Variants in RAPGEF5 observed in about 807,000 individuals in gnomAD.
RAPGEF5 encodes M-Ras-regulated GEF.
RAPGEF5 carries 65 observed loss-of-function variants against 125.2 expected under a neutral mutation model. The ratio of observed to expected loss-of-function variants is 0.52; its 90% CI spans 0.43 to 0.64. The LOEUF (loss-of-function observed/expected upper bound fraction) is 0.64, where lower values mean the gene tolerates loss of function less well. Among genes scored for constraint, RAPGEF5 ranks in the 30% least tolerant of loss-of-function variants. The pLI is 0.00. For synonymous variants in RAPGEF5, 391 were observed against 385.9 expected (o/e 1.01, Z -0.16); for missense variants, 958 against 1,048.1 (o/e 0.91, Z 1.19).
At chr7:22,300,813 C>A (rs1056755279) in intron 5 of RAPGEF5, among the ~76,000 whole-genome samples, 1 of 152,180 alleles carries the variant, frequency 6.6e-6, no homozygotes, top group African/African-American at 2.4e-5. Flanking sequence ...TGGGACAAAC[C>A]TGTAAGAAAA....
intron 3 of RAPGEF5, 21 bp downstream of exon 3, chr7:22,315,349 G>A: frequency 2.6e-6 from 4 of 1,530,884 alleles, no homozygotes; most frequent in Non-Finnish European, 3.5e-6. Context: ...TTTCTGACAA[G>A]GTGTTAGAAA....
rs1462120709 is a variant in RAPGEF5, at chr7:22,120,002, AT to A, written c.*2403del. ...TGAATTCTTTAATTCCAGATCTAAG[AT>A]TCTGCAAAGCTTTGGAAACTTCTGA... is the stretch of plus-strand genomic sequence containing the variant. On this transcript the variant is annotated 3_prime_UTR_variant, in exon 26 of 26. Transcript: ENST00000665637. This position sits in a 1 kb window ranked among gnomAD's most constrained non-coding sequence, Gnocchi z 4.0. The A allele has an allele frequency of 6.6e-6, 1 of 152,242 alleles. No individual in the cohort carries two copies. The highest frequency in any genetic ancestry group is 1.5e-5 in the Non-Finnish European group (1 of 68,048). The allele number at this position is 152,242 out of a possible 1,614,324, so 9.4% of individuals were successfully genotyped here. A position where few individuals can be genotyped will look rare whatever the true frequency, so the allele number is the denominator to read the frequency against.
intron 1 of RAPGEF5, among the ~76,000 whole-genome samples, chr7:22,339,301 C>T (rs1275499730): frequency 6.6e-6 from 1 of 152,190 alleles, no homozygotes; most frequent in East Asian, 1.9e-4. Flanking sequence ...CTGCCTTATG[C>T]CTCTCAGTTG....
intron 7 of RAPGEF5, among the ~76,000 whole-genome samples, chr7:22,249,856 C>G (rs1345252): frequency 6.6e-6 from 1 of 151,966 alleles, no homozygotes; most frequent in Admixed American, 6.6e-5. Context: ...TGGTTAAAAT[C>G]TAGATGTCAG....
At chr7:22,217,723 A>C (rs1187151219) in intron 9 of RAPGEF5, among the ~76,000 whole-genome samples, 1 of 152,236 alleles carries the variant, frequency 6.6e-6, no homozygotes, top group African/African-American at 2.4e-5. Context: ...AGAAAAAGTC[A>C]TAATTCCAAT....
intron 7 of RAPGEF5, among the ~76,000 whole-genome samples, chr7:22,260,050 C>T (rs1317083269): frequency 2.0e-5 from 3 of 151,632 alleles, no homozygotes; most frequent in Non-Finnish European, 4.4e-5. Flanking sequence ...TGCCACTGCA[C>T]TCACTTCAGT....
intron 17 of RAPGEF5, among the ~76,000 whole-genome samples, chr7:22,151,623 C>T (rs1783633079): frequency 1.3e-5 from 2 of 152,072 alleles, no homozygotes; most frequent in South Asian, 4.2e-4. Flanking sequence ...TGCTACCACG[C>T]CTGGCTAATT....
At chr7:22,150,835 C>T (rs968160066) in intron 17 of RAPGEF5, among the ~76,000 whole-genome samples, 5 of 152,158 alleles carry the variant, frequency 3.3e-5, no homozygotes, top group South Asian at 2.1e-4. Context: ...ACACTGGTTA[C>T]ACTTAGGTCT....
intron 6 of RAPGEF5, among the ~76,000 whole-genome samples, chr7:22,274,042 C>G (rs1209025143): frequency 6.6e-6 from 1 of 152,122 alleles, no homozygotes; most frequent in African/African-American, 2.4e-5. Flanking sequence ...TTTTCTTAAC[C>G]ATTGGGATTC....
intron 11 of RAPGEF5, among the ~76,000 whole-genome samples, chr7:22,178,752 T>C (rs901747109): frequency 6.6e-6 from 1 of 152,174 alleles, no homozygotes; most frequent in African/African-American, 2.4e-5. Flanking sequence ...AGAGTTTTTA[T>C]AGAAGCTTCA....
chr7:22,193,642 C>G (rs1243746675), intron 10 of RAPGEF5, 187 bp from the exon 11 acceptor site: 1 of 1,550,696 alleles, frequency 6.4e-7, no homozygotes, highest in East Asian at 2.4e-5. Context: ...GTCAAAGACC[C>G]TCAGCCGGGA....
At chr7:22,261,852 C>CAAA (rs35816236) in intron 7 of RAPGEF5, among the ~76,000 whole-genome samples, 1 of 148,724 alleles carries the variant, frequency 6.7e-6, no homozygotes, top group Non-Finnish European at 1.5e-5. Flanking sequence ...ATTCATAGGC[C>CAAA]AAAAAAAAAA....
intron 19 of RAPGEF5, among the ~76,000 whole-genome samples, chr7:22,146,683 C>T (rs1783449515): frequency 6.6e-6 from 1 of 152,164 alleles, no homozygotes; most frequent in Admixed American, 6.6e-5. Context: ...ATACATTACA[C>T]AAGCATATGC....
chr7:22,211,661 TGA>T (rs1785508979), intron 9 of RAPGEF5, among the ~76,000 whole-genome samples: 6 of 152,078 alleles, frequency 3.9e-5, no homozygotes. Flanking sequence ...TTTGAAGGAG[TGA>T]GTGTGACCCA....
intron 1 of RAPGEF5, among the ~76,000 whole-genome samples, chr7:22,331,793 T>C (rs557712948): frequency 1.2e-4 from 18 of 149,362 alleles, no homozygotes; most frequent in Non-Finnish European, 2.4e-4. Context: ...AGGTACCAAG[T>C]TGACCAAGAA....
intron 6 of RAPGEF5, among the ~76,000 whole-genome samples, chr7:22,285,174 G>A (rs932884663): frequency 1.3e-5 from 2 of 152,140 alleles, no homozygotes; most frequent in East Asian, 3.9e-4. Context: ...CCAGCATCTC[G>A]AGAGGGTATC....
At chr7:22,280,536 A>C (rs1399109557) in intron 6 of RAPGEF5, among the ~76,000 whole-genome samples, 4 of 152,200 alleles carry the variant, frequency 2.6e-5, no homozygotes, top group Non-Finnish European at 5.9e-5. Context: ...GAGAAAGCTG[A>C]AAAAAGCTGT....
chr7:22,214,953 T>C (rs1022929585), intron 9 of RAPGEF5, among the ~76,000 whole-genome samples: 3 of 152,210 alleles, frequency 2.0e-5, no homozygotes, highest in African/African-American at 4.8e-5. Flanking sequence ...TGAAATAATA[T>C]AATTTATCTC....
chr7:22,266,843 T>C, intron 7 of RAPGEF5, 121 bp downstream of exon 7: 2 of 934,168 alleles, frequency 2.1e-6, no homozygotes, highest in East Asian at 2.5e-5. Flanking sequence ...ACAAATGGTA[T>C]AATTCTTTGC....
Sources: allele counts gnomAD v4.1 joint callset (sites outside exome capture counted in the v4.1 genomes callset), GRCh38; gene constraint gnomAD v4.1.1; non-coding constraint Gnocchi (gnomAD v3.1); transcripts MANE v1.5; gene names NCBI Gene and HGNC (gene_info 2026-07-23, HGNC 2026-07-21).